PCNX3: variants seen among roughly 807,000 people sequenced by gnomAD.
PCNX3 encodes the protein pecanex 3.
PCNX3 carries 58 observed loss-of-function variants against 207.2 expected under a neutral mutation model. The observed-to-expected ratio is 0.28, with a 90% confidence interval of 0.23 to 0.35. The LOEUF (loss-of-function observed/expected upper bound fraction) is 0.35. Ranked by LOEUF, PCNX3 falls within the 10% of genes least tolerant of loss-of-function variation. The pLI, the probability that PCNX3 is intolerant of heterozygous loss-of-function variation, is 1.00. For synonymous variants in PCNX3, 1,337 were observed against 1,183.5 expected, an observed-to-expected ratio of 1.13 and a Z score of -2.66; for missense variants, 2,410 against 2,774.4, an observed-to-expected ratio of 0.87 and a Z score of 2.95.
rs778584414 is a variant in PCNX3, at chr11:65,635,283, C to T, written c.5019C>T (p.Asn1673=). 1.3e-5 allele frequency: 21 copies of T among 1,592,408 alleles called. No homozygotes were observed. Among genetic ancestry groups the T allele is most frequent in the African/African-American group, 4.0e-5 (3 of 74,286 alleles). ...CCCTATACGATGCCATTGCGGCCAA[C>T]GAGGAGCGGCTGGTCATCTCACATG... The part of the protein sequence containing the change: ...PAALYDAIAA[N]EERLVISHEG... The change falls in exon 31 of 35, where the codon AAC becomes AAT. Residue 1673 remains asparagine, a synonymous_variant. Transcript: ENST00000355703. The surrounding 1 kb of genome is among the most constrained non-coding windows in gnomAD (Gnocchi z 9.9).
rs562508034 is a variant in PCNX3, at chr11:65,624,954, A to G, written c.2857A>G (p.Ser953Gly). 6.2e-7 allele frequency: 1 copy of G among 1,612,160 alleles called. No individual in the cohort carries two copies. The highest frequency in any genetic ancestry group is 1.3e-5 in the African/African-American group (1 of 75,034). ...AATSPLTAVF[S>G]LSRSLLAAAL... is the part of the protein sequence containing the mutation. ...CACCAGCCCGCTCACGGCAGTCTTC[A>G]GCCTCTCCCGCAGCCTGCTGGCTGC... Residue 953 changes from serine (S) to glycine (G), a missense_variant, in exon 16 of 35, where the codon AGC becomes GGC. Around this residue, in one of 8 missense-constraint regions of PCNX3, gnomAD observed 333 missense variants for 386.8 expected, o/e 0.86. Coordinates refer to ENST00000355703, the MANE Select transcript of PCNX3 (RefSeq NM_032223.4).
intron 20 of PCNX3, chr11:65,626,696 C>T (rs1855407628): frequency 3.1e-6 from 2 of 637,198 alleles, no homozygotes; most frequent in Admixed American, 6.0e-5. Context: ...GAGCACCTGC[C>T]ATAAAGCAAG....
rs771543230 is a variant in PCNX3, at chr11:65,624,293, C to T, written c.2643C>T (p.Phe881=). 6.3e-7 allele frequency: 1 copy of T among 1,588,298 alleles called. No individual in the cohort carries two copies. The highest frequency in any genetic ancestry group is 1.8e-5 in the Admixed American group (1 of 56,268). ...LLDALGSAQP[F]PPVSLYGLTL... is the part of the protein sequence containing the mutation. Reference sequence around the variant, plus strand: ...ACGCCCTGGGCTCAGCTCAGCCCTTCCCACCTGTCTCCCTCTACGGCCTCA... The same window carrying T: ...ACGCCCTGGGCTCAGCTCAGCCCTTTCCACCTGTCTCCCTCTACGGCCTCA... The change falls in exon 14 of 35, where the codon TTC becomes TTT. Residue 881 remains phenylalanine (F), a synonymous_variant. Coordinates refer to ENST00000355703, the MANE Select transcript of PCNX3 (RefSeq NM_032223.4).
At position 65,633,678 on chromosome 11, in the gene PCNX3, G is replaced by A. The variant is rs560279837; in HGVS notation, c.4471-448G>A. Among the ~76,000 whole-genome samples, 8 of 152,334 alleles carry A rather than the reference G, an allele frequency of 5.3e-5. No individual in the cohort carries two copies. In the East Asian group the frequency reaches 1.5e-3, roughly 29 times the overall value. On this transcript the variant is annotated intron_variant, in intron 27 of 34. Coordinates refer to ENST00000355703, the MANE Select transcript of PCNX3 (RefSeq NM_032223.4). ...CACCTGAGGGCCACACCATAGTGTC[G>A]GGGCCAGCCAGAGGCGGGTGGGGGA...
At position 65,618,064 on chromosome 11, in the gene PCNX3, C is replaced by T; in HGVS notation, c.702C>T (p.Asp234=). The T allele has an allele frequency of 6.2e-7, 1 of 1,607,256 alleles. No individual in the cohort carries two copies. The highest frequency in any genetic ancestry group is 8.5e-7 in the Non-Finnish European group (1 of 1,177,394). ...CCTGGAGTGGGAGCAGCATGGCTGACACTCCCATGAGCCCCCTGCTGAAGG... is the reference window on the plus strand; with the variant it reads ...CCTGGAGTGGGAGCAGCATGGCTGATACTCCCATGAGCCCCCTGCTGAAGG... The part of the protein sequence containing the change: ...GAPWSGSSMA[D]TPMSPLLKGS... Residue 234 remains aspartate, a synonymous_variant, in exon 6 of 35, where the codon GAC becomes GAT. Transcript: ENST00000355703.
chr11:65,635,913 G>C lies in PCNX3; in HGVS notation c.5459+110G>C. On this transcript the variant is annotated intron_variant, in intron 32 of 34. Coordinates refer to ENST00000355703, the MANE Select transcript of PCNX3 (RefSeq NM_032223.4). This position sits in a 1 kb window ranked among gnomAD's most constrained non-coding sequence, Gnocchi z 9.9. ...GCTGGAGCCAGGGCTTGAATCCCGA[G>C]AGATGACCCCCTCCCAGAGCTGACC... 7.1e-7 allele frequency: 1 copy of C among 1,414,844 alleles called. No homozygotes were observed. 87.6% of individuals were successfully genotyped at this position (1,414,844 alleles called of 1,614,324 possible). A position where few individuals can be genotyped will look rare whatever the true frequency, so the allele number is the denominator to read the frequency against.
rs1565165280 is a variant in PCNX3 at position 65,626,892 on chromosome 11, C to T, written c.3380-12C>T. On this transcript the variant is annotated splice_polypyrimidine_tract_variant and intron_variant, in intron 20 of 34. Transcript: ENST00000355703. ...TGGAAGCCAGGTGCAGAGTCCTGGC[C>T]TCTCCACACAGGTGCCGCCCAGGTG... 2 of 1,579,860 alleles carry T rather than the reference C, an allele frequency of 1.3e-6. No individual in the cohort carries two copies. The highest frequency in any genetic ancestry group is 1.7e-6 in the Non-Finnish European group (2 of 1,163,116).
intron 10 of PCNX3, among the ~76,000 whole-genome samples, chr11:65,621,500 A>G (rs570721191): frequency 3.6e-4 from 55 of 152,372 alleles, no homozygotes; most frequent in South Asian, 1.2e-3. Context: ...AGCTTAAAGA[A>G]TGATCATAAA....
Position 65,625,764 on chromosome 11 carries a change from C to G in PCNX3, c.3228+20C>G. 6.2e-7 allele frequency: 1 copy of G among 1,604,566 alleles called. No individual in the cohort carries two copies. ...CTGAAGGTTTGTGTGGCATGGGCCG[C>G]TGCTGCCTCTCGCTGTCTTGGCGGG... On this transcript the variant is annotated intron_variant, in intron 19 of 34. Transcript: ENST00000355703. The surrounding 1 kb of genome is among the most constrained non-coding windows in gnomAD (Gnocchi z 5.6).
At chr11:65,624,868 G>T in intron 15 of PCNX3, 57 bp from the exon 16 acceptor site, 1 of 1,518,432 alleles carries the variant, frequency 6.6e-7, no homozygotes, top group Non-Finnish European at 9.0e-7. Flanking sequence ...GCGCGGCTAG[G>T]GTTGAGGTGG....
chr11:65,628,479 G>T, intron 22 of PCNX3, 116 bp from the exon 23 acceptor site: 1 of 929,938 alleles, frequency 1.1e-6, no homozygotes, highest in Non-Finnish European at 1.7e-6. Context: ...CCTTGAGTTT[G>T]GCCCCCGTGG....
Position 65,624,778 on chromosome 11 carries a change from C to T in PCNX3, c.2828-147C>T, listed in dbSNP as rs543302648. The T allele has an allele frequency of 5.2e-5, 50 of 957,808 alleles. No homozygotes were observed. The African/African-American group carries it at 6.8e-4, about 13-fold the overall frequency. The allele number at this position is 957,808 out of a possible 1,614,324, so 59.3% of individuals were successfully genotyped here. On this transcript the variant is annotated intron_variant, in intron 15 of 34. Transcript: ENST00000355703. ...TGAGAATCTTGGAAGCTCTAAAGGC[C>T]GCTTGGGGCTTGGGGCAGCAGAGAA...
chr11:65,630,292 A>T (rs1166331842), intron 26 of PCNX3, 59 bp from the exon 27 acceptor site: 1 of 1,567,106 alleles, frequency 6.4e-7, no homozygotes, highest in Non-Finnish European at 8.7e-7. Flanking sequence ...TCACTCTCCC[A>T]GGACAGGGCA....
At position 65,635,152 on chromosome 11, in the gene PCNX3, A is replaced by T. The variant is rs1437744733; in HGVS notation, c.4953+32A>T. The T allele has an allele frequency of 2.5e-6, 4 of 1,608,160 alleles. No homozygotes were observed. Among genetic ancestry groups the T allele is most frequent in the Non-Finnish European group, 3.4e-6 (4 of 1,176,234 alleles). On this transcript the variant is annotated intron_variant, in intron 30 of 34. Transcript: ENST00000355703. This position sits in a 1 kb window ranked among gnomAD's most constrained non-coding sequence, Gnocchi z 9.9. ...GAGGGGTGTGCCCAGCAGCATGGGC[A>T]GGTGGGGGATGAAGCCTCTCTCCAG...
chr11:65,627,887 C>G (rs1855468454), intron 22 of PCNX3, among the ~76,000 whole-genome samples: 1 of 152,164 alleles, frequency 6.6e-6, no homozygotes, highest in African/African-American at 2.4e-5. Context: ...CAGGACCTGG[C>G]CTTATCCTCT....
In PCNX3 at chr11:65,635,076, C is replaced by T. The variant is rs527341490; in HGVS notation, c.4909C>T (p.Arg1637Cys). 2.5e-5 allele frequency: 41 copies of T among 1,613,838 alleles called. No homozygotes were observed. The highest frequency in any genetic ancestry group is 1.6e-4 in the Middle Eastern group (1 of 6,062). ...WVFADMDLLHRVVAPGVRMAL... is the reference protein window; with the variant it reads ...WVFADMDLLHCVVAPGVRMAL... ...CTTTGCCGACATGGACCTGCTTCAC[C>T]GCGTTGTGGCGCCTGGGGTTCGCAT... Residue 1637 changes from arginine to cysteine, a missense_variant, in exon 30 of 35, where the codon CGC becomes TGC. By Grantham distance (180) the Arg-to-Cys change is radical (BLOSUM62 -3). Transcript: ENST00000355703. This position sits in a 1 kb window ranked among gnomAD's most constrained non-coding sequence, Gnocchi z 9.9.
At chr11:65,620,587 T>G (rs1855035163) in intron 9 of PCNX3, among the ~76,000 whole-genome samples, 158 bp downstream of exon 9, 1 of 152,120 alleles carries the variant, frequency 6.6e-6, no homozygotes, top group Non-Finnish European at 1.5e-5. Flanking sequence ...ACAGACCTCC[T>G]GGGGTCCCTG....
chr11:65,622,214 G>A (rs1268321792), intron 10 of PCNX3, 31 bp from the exon 11 acceptor site: 2 of 1,590,450 alleles, frequency 1.3e-6, no homozygotes, highest in Non-Finnish European at 1.7e-6. Flanking sequence ...AGTTTGACCT[G>A]CTGGACCAGG....
intron 20 of PCNX3, chr11:65,626,595 G>A (rs1048040145): frequency 2.1e-5 from 10 of 466,236 alleles, no homozygotes; most frequent in Non-Finnish European, 3.5e-5. Flanking sequence ...CCCAGCTCAC[G>A]GGCTCACTGT....
Sources: gnomAD v4.1 joint callset for allele counts (sites outside exome capture counted in the v4.1 genomes callset) on GRCh38, gnomAD v4.1.1 for gene constraint, gnomAD v4.1.1 regional missense constraint, Gnocchi (gnomAD v3.1) non-coding constraint, MANE v1.5 for transcripts, NCBI Gene and HGNC (gene_info 2026-07-23, HGNC 2026-07-21) for gene names.